The following ZNF407 variants were observed in gnomAD, a reference collection of about 807,000 sequenced individuals.
ZNF407 encodes the protein zinc finger protein 407.
ZNF407 carries 17 observed loss-of-function variants against 131.2 expected under a neutral mutation model. The ratio of observed to expected loss-of-function variants is 0.13; its 90% confidence interval spans 0.09 to 0.19. The LOEUF (loss-of-function observed/expected upper bound fraction) is 0.19, where lower values mean the gene tolerates loss of function less well. ZNF407 is among the 10% of genes least tolerant of loss of function. The pLI is 1.00. For missense variants in ZNF407, 2,681 were observed against 2,830.6 expected (o/e 0.95, Z 1.20); for synonymous variants, 1,156 against 1,062.0 (o/e 1.09, Z -1.72).
At chr18:74,943,501 A>G (rs1972123084) in intron 8 of ZNF407, among the ~76,000 whole-genome samples, 1 of 152,234 alleles carries the variant, frequency 6.6e-6, no homozygotes, top group Non-Finnish European at 1.5e-5. Flanking sequence ...GTAGAAATGC[A>G]TATACTGAAA....
chr18:74,909,650 T>A (rs528038985), intron 7 of ZNF407, among the ~76,000 whole-genome samples: 4 of 152,142 alleles, frequency 2.6e-5, no homozygotes. Flanking sequence ...TGAACACGGA[T>A]CTCCTCACAC....
In ZNF407 at chr18:74,812,097, A is replaced by G. The variant is rs182540241; in HGVS notation, c.4877+30595A>G. On this transcript the variant is annotated intron_variant, in intron 4 of 8. Transcript: ENST00000299687. ...CCTATTACTCTGTTAACTTTGTTTTAGGAAGCCTTTATCCTTTTGCCATTG... is the reference window on the plus strand; with the variant it reads ...CCTATTACTCTGTTAACTTTGTTTTGGGAAGCCTTTATCCTTTTGCCATTG... 1.8e-4 allele frequency among the ~76,000 whole-genome samples: 28 copies of G among 152,280 alleles called. No individual in the cohort carries two copies. The East Asian group carries it at 4.0e-3, about 22-fold the overall frequency.
At chr18:74,830,260 T>A (rs1970464061) in intron 4 of ZNF407, among the ~76,000 whole-genome samples, 1 of 152,148 alleles carries the variant, frequency 6.6e-6, no homozygotes, top group Admixed American at 6.5e-5. Context: ...TACACCCACA[T>A]TTTAACCTTT....
intron 4 of ZNF407, among the ~76,000 whole-genome samples, chr18:74,868,445 GAAT>G (rs1372408188): frequency 6.6e-6 from 1 of 152,210 alleles, no homozygotes; most frequent in Non-Finnish European, 1.5e-5. Flanking sequence ...CAAGCACGAA[GAAT>G]GATAGGAAAG....
rs544661863 is a variant in ZNF407, at chr18:75,014,733, GTTGT to G, written c.5429-48414_5429-48411del. Among the ~76,000 whole-genome samples the G allele has an allele frequency of 2.7e-3, 415 of 152,108 alleles. 1 individual carries two copies. Among genetic ancestry groups the G allele is most frequent in the African/African-American group, 9.2e-3 (381 of 41,516 alleles). On this transcript the variant is annotated intron_variant, in intron 8 of 8. Transcript: ENST00000299687. Reference sequence around the variant, plus strand: ...ATTGATATTTCAAGTACATTTACGTGTTGTTTTTTTTATATACAAATTGAAAGTA... The same window carrying G: ...ATTGATATTTCAAGTACATTTACGTGTTTTTTTATATACAAATTGAAAGTA...
chr18:74,846,779 G>A (rs1970709018), intron 4 of ZNF407, among the ~76,000 whole-genome samples: 1 of 151,854 alleles, frequency 6.6e-6, no homozygotes, highest in African/African-American at 2.4e-5. Context: ...GGAACACGAG[G>A]TCAGGAGTTC....
intron 8 of ZNF407, among the ~76,000 whole-genome samples, chr18:74,982,687 C>G (rs747783723): frequency 2.0e-5 from 3 of 152,202 alleles, no homozygotes; most frequent in Non-Finnish European, 4.4e-5. Flanking sequence ...TCTCTTCATC[C>G]CACAGCAGGT....
At chr18:74,642,407 G>A (rs1297964166) in intron 3 of ZNF407, among the ~76,000 whole-genome samples, 1 of 152,130 alleles carries the variant, frequency 6.6e-6, no homozygotes, top group East Asian at 1.9e-4. Context: ...TGAGTTATAG[G>A]AAAGGAGAAG....
intron 4 of ZNF407, among the ~76,000 whole-genome samples, chr18:74,819,716 G>A (rs1261240283): frequency 6.6e-6 from 1 of 152,190 alleles, no homozygotes; most frequent in Non-Finnish European, 1.5e-5. Flanking sequence ...TCACCGAAAC[G>A]TGTAGGTGGT....
intron 8 of ZNF407, among the ~76,000 whole-genome samples, chr18:75,031,096 C>A (rs1242294443): frequency 1.3e-5 from 2 of 152,146 alleles, no homozygotes; most frequent in Non-Finnish European, 2.9e-5. Context: ...GCAGTTCACT[C>A]ACCTGCAAGA....
At chr18:74,957,696 C>T (rs1476848548) in intron 8 of ZNF407, among the ~76,000 whole-genome samples, 1 of 152,038 alleles carries the variant, frequency 6.6e-6, no homozygotes, top group Non-Finnish European at 1.5e-5. Context: ...GTAGACAGTG[C>T]CGTAATGGGA....
chr18:74,981,689 C>T (rs115743120), intron 8 of ZNF407, among the ~76,000 whole-genome samples: 4,620 of 152,208 alleles, frequency 0.03, 271 homozygotes, highest in African/African-American at 0.1. Flanking sequence ...GAGGACGCGG[C>T]GTGGACCAGC....
chr18:74,705,054 T>C (rs1967592593), intron 3 of ZNF407, among the ~76,000 whole-genome samples: 1 of 151,140 alleles, frequency 6.6e-6, no homozygotes, highest in African/African-American at 2.5e-5. Flanking sequence ...ATCTGAAATA[T>C]ATTCTGCTCA....
chr18:74,749,310 A>C (rs967029105), intron 3 of ZNF407, among the ~76,000 whole-genome samples: 1 of 151,692 alleles, frequency 6.6e-6, no homozygotes, highest in Non-Finnish European at 1.5e-5. Flanking sequence ...CCCTTTCCTT[A>C]CCTTATATTT....
chr18:74,791,289 G>A lies in ZNF407; in HGVS notation c.4877+9787G>A, dbSNP rs115354073. On this transcript the variant is annotated intron_variant, in intron 4 of 8. Coordinates refer to ENST00000299687, the MANE Select transcript of ZNF407 (RefSeq NM_017757.3). ...ACTAAGCTAAAAACAGTCAAATATT[G>A]TTAATTTCATATGAGTCAAACTAAT... Among the ~76,000 whole-genome samples the A allele has an allele frequency of 1.2e-3, 176 of 152,248 alleles. 5 individuals carry two copies. Among genetic ancestry groups the A allele is most frequent in the Admixed American group, 7.5e-3 (115 of 15,290 alleles).
chr18:74,719,014 CT>C lies in ZNF407; in HGVS notation c.4803-62409del, dbSNP rs142349734. ...TTTTTGAGTATTTTTTAATTAAAAA[CT>C]TTTTATAGGATATGACTTGTTGCCT... On this transcript the variant is annotated intron_variant, in intron 3 of 8. Transcript: ENST00000299687. Among the ~76,000 whole-genome samples the C allele has an allele frequency of 6.3e-3, 953 of 152,098 alleles. 7 individuals carry two copies. Among genetic ancestry groups the C allele is most frequent in the African/African-American group, 0.021 (891 of 41,508 alleles).
chr18:74,669,507 T>A (rs1004104336), intron 3 of ZNF407, among the ~76,000 whole-genome samples: 1 of 152,210 alleles, frequency 6.6e-6, no homozygotes. Context: ...GCTCTCCTTT[T>A]GGGGGCATCC....
intron 8 of ZNF407, among the ~76,000 whole-genome samples, chr18:75,043,606 A>G (rs1185771675): frequency 2.0e-5 from 3 of 152,150 alleles, no homozygotes; most frequent in South Asian, 2.1e-4. Context: ...CCATTTCTGC[A>G]TCTCTATTAA....
intron 8 of ZNF407, among the ~76,000 whole-genome samples, chr18:74,983,660 T>C (rs1459970429): frequency 6.6e-6 from 1 of 152,210 alleles, no homozygotes; most frequent in East Asian, 1.9e-4. Flanking sequence ...TTTACAAACA[T>C]AGCAATTAGA....
Sources: allele counts gnomAD v4.1 joint callset (sites outside exome capture counted in the v4.1 genomes callset), GRCh38; gene constraint gnomAD v4.1.1; transcripts MANE v1.5; gene names NCBI Gene and HGNC (gene_info 2026-07-23, HGNC 2026-07-21).